C1orf94: variants seen among roughly 807,000 people sequenced by gnomAD.
C1orf94 encodes chromosome 1 open reading frame 94, also known as uncharacterized protein C1orf94.
C1orf94 carries 45 observed loss-of-function variants against 53.6 expected under a neutral mutation model. That is an observed-to-expected ratio of 0.84 (90% CI 0.66 to 1.08). C1orf94 has a LOEUF of 1.08. Among genes scored for constraint, C1orf94 ranks in the 50% least tolerant of loss-of-function variants. C1orf94 has a pLI of 0.00. For synonymous variants in C1orf94, 304 were observed against 296.1 expected (o/e 1.03, Z -0.27); for missense variants, 762 against 738.9 (o/e 1.03, Z -0.36).
intron 1 of C1orf94, among the ~76,000 whole-genome samples, chr1:34,170,360 A>T (rs1642128221): frequency 1.3e-5 from 2 of 152,156 alleles, no homozygotes; most frequent in African/African-American, 4.8e-5. Context: ...TCCAGAAGAG[A>T]TATAGCATGT....
intron 6 of C1orf94, among the ~76,000 whole-genome samples, chr1:34,214,036 T>G (rs775902865): frequency 2.6e-5 from 4 of 152,220 alleles, no homozygotes; most frequent in Non-Finnish European, 5.9e-5. Flanking sequence ...AGGGGACCTA[T>G]AGATGAATAG....
intron 3 of C1orf94, among the ~76,000 whole-genome samples, chr1:34,201,776 G>A (rs1642710664): frequency 6.6e-6 from 1 of 152,188 alleles, no homozygotes; most frequent in Non-Finnish European, 1.5e-5. Context: ...GTAAGTAGGT[G>A]AAATATAGGC....
chr1:34,186,607 T>C (rs1057016552), intron 1 of C1orf94, among the ~76,000 whole-genome samples: 1 of 152,214 alleles, frequency 6.6e-6, no homozygotes, highest in African/African-American at 2.4e-5. Context: ...GAAGGGGTCA[T>C]CATAAGAGAC....
At chr1:34,195,779 G>GGTGTGTGT (rs67390104) in intron 1 of C1orf94, among the ~76,000 whole-genome samples, 2 of 145,170 alleles carry the variant, frequency 1.4e-5, no homozygotes, top group Non-Finnish European at 3.0e-5. Context: ...TCTGTTCGTG[G>GGTGTGTGT]GTGTGTGTGT....
chr1:34,197,841 C>T lies in C1orf94; in HGVS notation c.937C>T (p.Gln313Ter). The part of the protein sequence containing the change: ...KLPELPAQKR[Q>*]LPVFAKICSK... Reference sequence around the variant, plus strand: ...CCCTGAGCTCCCTGCTCAGAAGAGGCAGCTCCCAGTGTTTGCCAAGATCTG... The same window carrying T: ...CCCTGAGCTCCCTGCTCAGAAGAGGTAGCTCCCAGTGTTTGCCAAGATCTG... Residue 313 changes from glutamine to a stop codon, truncating the protein, a stop_gained, in exon 2 of 7, where the codon CAG becomes TAG. Transcript: ENST00000488417. LOFTEE classifies it high-confidence loss of function. The surrounding 1 kb of genome is among the most constrained non-coding windows in gnomAD (Gnocchi z 4.1). 1 of 1,614,214 alleles carries T rather than the reference C, an allele frequency of 6.2e-7. No individual in the cohort carries two copies. Among genetic ancestry groups the T allele is most frequent in the South Asian group, 1.1e-5 (1 of 91,082 alleles).
At chr1:34,215,156 G>A (rs1483027326) in intron 6 of C1orf94, among the ~76,000 whole-genome samples, 1 of 152,186 alleles carries the variant, frequency 6.6e-6, no homozygotes, top group Non-Finnish European at 1.5e-5. Context: ...AGCCTCTTGA[G>A]CCAAGATCTA....
At chr1:34,198,046 C>A in intron 2 of C1orf94, 133 bp downstream of exon 2, 1 of 999,016 alleles carries the variant, frequency 1.0e-6, no homozygotes, top group Non-Finnish European at 1.4e-6. Context: ...CTGGTGGGCA[C>A]AGCCCCGAGG....
chr1:34,210,120 CA>C (rs1180675877), intron 5 of C1orf94, among the ~76,000 whole-genome samples: 2 of 152,124 alleles, frequency 1.3e-5, no homozygotes, highest in African/African-American at 4.8e-5. Flanking sequence ...TACATGGAAT[CA>C]GGGGCACATT....
chr1:34,217,377 T>C (rs1265118517), intron 6 of C1orf94, among the ~76,000 whole-genome samples: 1 of 152,236 alleles, frequency 6.6e-6, no homozygotes. Context: ...TGATTACTGA[T>C]AATTGTTAAA....
chr1:34,191,753 A>T lies in C1orf94; in HGVS notation c.321-5472A>T, dbSNP rs201488219. On this transcript the variant is annotated intron_variant, in intron 1 of 6. Coordinates refer to ENST00000488417, the MANE Select transcript of C1orf94 (RefSeq NM_001134734.2). ...TGCATTTTTCTGTTGTTTGGCTCAGATGAATAGCAGTTTTCATCTTTGCTC... is the reference window on the plus strand; with the variant it reads ...TGCATTTTTCTGTTGTTTGGCTCAGTTGAATAGCAGTTTTCATCTTTGCTC... 7.2e-5 allele frequency among the ~76,000 whole-genome samples: 11 copies of T among 152,282 alleles called. No individual in the cohort carries two copies. The East Asian group carries it at 2.1e-3, about 29-fold the overall frequency.
At chr1:34,188,019 A>G (rs1642415129) in intron 1 of C1orf94, among the ~76,000 whole-genome samples, 1 of 152,124 alleles carries the variant, frequency 6.6e-6, no homozygotes, top group Non-Finnish European at 1.5e-5. Flanking sequence ...CAGGGTGAAG[A>G]AATGGGATGC....
chr1:34,186,940 G>A (rs1642393320), intron 1 of C1orf94, among the ~76,000 whole-genome samples: 1 of 152,190 alleles, frequency 6.6e-6, no homozygotes, highest in Admixed American at 6.5e-5. Flanking sequence ...TATGCAGTGG[G>A]TATGAATAAA....
upstream of C1orf94, among the ~76,000 whole-genome samples, chr1:34,173,887 C>G (rs1212377920): frequency 6.6e-6 from 1 of 152,236 alleles, no homozygotes; most frequent in Non-Finnish European, 1.5e-5. Flanking sequence ...CTTCACTACT[C>G]TATCTTCAGC....
chr1:34,200,923 A>G lies in C1orf94; in HGVS notation c.1161A>G (p.Thr387=), dbSNP rs1221996486. The G allele has an allele frequency of 5.6e-6, 9 of 1,614,026 alleles. No homozygotes were observed. The highest frequency in any genetic ancestry group is 7.6e-6 in the Non-Finnish European group (9 of 1,180,038). The part of the protein sequence containing the change: ...ASLTLPPKKP[T]CPAEKNLLYE... ...TGACCCTGCCGCCCAAGAAACCTAC[A>G]TGTCCAGCCGAGAAGAACTTGCTCT... The change falls in exon 3 of 7, where the codon ACA becomes ACG. Residue 387 remains threonine (T), a synonymous_variant. Transcript: ENST00000488417.
chr1:34,181,773 T>C (rs1318993770), intron 1 of C1orf94, among the ~76,000 whole-genome samples: 2 of 152,196 alleles, frequency 1.3e-5, no homozygotes, highest in Admixed American at 6.5e-5. Flanking sequence ...AGGGAAGTGA[T>C]AGGAAGAGCT....
At chr1:34,169,078 T>C (rs769709077) in intron 1 of C1orf94, among the ~76,000 whole-genome samples, 8 of 152,124 alleles carry the variant, frequency 5.3e-5, no homozygotes, top group Non-Finnish European at 8.8e-5. Context: ...TTTTCATTTC[T>C]GGGAAAGAGA....
At chr1:34,180,021 G>T (rs747679) in intron 1 of C1orf94, among the ~76,000 whole-genome samples, 47,231 of 152,144 alleles carry the variant, frequency 0.31, 8,203 homozygotes, top group South Asian at 0.47. Context: ...AGAACACAAT[G>T]AGCTATTCTT....
upstream of C1orf94, among the ~76,000 whole-genome samples, chr1:34,174,732 G>A (rs1642196635): frequency 6.6e-6 from 1 of 152,258 alleles, no homozygotes; most frequent in East Asian, 1.9e-4. Flanking sequence ...AGAATGGCAA[G>A]GAAATAAAAT....
rs1021187066 is a variant in C1orf94, at chr1:34,177,852, G to A, written c.63G>A (p.Arg21=). Residue 21 remains arginine, a synonymous_variant, in exon 1 of 7, where the codon AGG becomes AGA. Transcript: ENST00000488417. The stretch of plus-strand genomic sequence containing the variant: ...GACAGAGGGGCTTCCAGAAAGAGAG[G>A]AGGAGGATGGCCAGCGGGAATGGGC... The part of the protein sequence containing the change: ...LGGQRGFQKE[R]RRMASGNGLP... 94 of 1,551,052 alleles carry A rather than the reference G, an allele frequency of 6.1e-5. No homozygotes were observed. In the African/African-American group the frequency reaches 1.2e-3, roughly 20 times the overall value.
Sources: gnomAD v4.1 joint callset for allele counts (sites outside exome capture counted in the v4.1 genomes callset) on GRCh38, gnomAD v4.1.1 for gene constraint, Gnocchi (gnomAD v3.1) non-coding constraint, MANE v1.5 for transcripts, NCBI Gene and HGNC (gene_info 2026-07-23, HGNC 2026-07-21) for gene names.